The following FMNL3 variants were observed in gnomAD, a reference collection of about 807,000 sequenced individuals.
FMNL3 encodes formin like 3.
In FMNL3, 57 loss-of-function variants were observed where a neutral mutation model predicts 119.6. The ratio of observed to expected loss-of-function variants is 0.48; its 90% CI spans 0.39 to 0.59. The LOEUF is 0.59. Ranked by LOEUF, FMNL3 falls within the 20% of genes least tolerant of loss-of-function variation. The probability of loss-of-function intolerance (pLI) is 0.00; values close to 1 mark genes in which losing one functional copy is unlikely to be tolerated. For synonymous variants in FMNL3, 491 were observed against 507.3 expected (o/e 0.97, Z 0.43); for missense variants, 1,053 against 1,323.5 (o/e 0.80, Z 3.17).
chr12:49,687,746 AT>A (rs2138985116), intron 1 of FMNL3, among the ~76,000 whole-genome samples: 1 of 152,342 alleles, frequency 6.6e-6, no homozygotes, highest in East Asian at 1.9e-4. Flanking sequence ...ACGAGTGATC[AT>A]GCAAAGATTT....
intron 8 of FMNL3, 50 bp from the exon 9 acceptor site, chr12:49,656,547 C>A (rs761989497): frequency 6.0e-6 from 9 of 1,508,902 alleles, no homozygotes; most frequent in Admixed American, 5.3e-5. Flanking sequence ...ATCCTGACAA[C>A]CACACAGCTC....
intron 1 of FMNL3, among the ~76,000 whole-genome samples, chr12:49,699,990 C>CT (rs1422363620): frequency 6.6e-6 from 1 of 152,196 alleles, no homozygotes; most frequent in African/African-American, 2.4e-5. Flanking sequence ...ACCATATACC[C>CT]TTTGGCCCAA....
At position 49,645,704 on chromosome 12, in the gene FMNL3, C is replaced by A; in HGVS notation, c.*111G>T. ...ATCCAGCCTCAAGAGCTGGGGCGGA[C>A]ATGGTTGAGAGAGCAACACAGCCCT... On this transcript the variant is annotated 3_prime_UTR_variant, in exon 26 of 26. Coordinates refer to ENST00000335154, the MANE Select transcript of FMNL3 (RefSeq NM_175736.5). 1.1e-6 allele frequency: 1 copy of A among 882,678 alleles called. No homozygotes were observed. Among genetic ancestry groups the A allele is most frequent in the South Asian group, 1.7e-5 (1 of 58,600 alleles). 54.7% of individuals were successfully genotyped at this position (882,678 alleles called of 1,614,324 possible).
In FMNL3 at chr12:49,672,897, T is replaced by A. The variant is rs572509089; in HGVS notation, c.127-4343A>T. Among the ~76,000 whole-genome samples the A allele has an allele frequency of 6.6e-5, 10 of 152,314 alleles. No individual in the cohort carries two copies. The East Asian group carries it at 1.9e-3, about 29-fold the overall frequency. Reference sequence around the variant, plus strand: ...ATTCCCAACTGTTTTTGTTGGTCCCTATCATGATAAATCTTAGGAACAGAG... The same window carrying A: ...ATTCCCAACTGTTTTTGTTGGTCCCAATCATGATAAATCTTAGGAACAGAG... On this transcript the variant is annotated intron_variant, in intron 1 of 25. Coordinates refer to ENST00000335154, the MANE Select transcript of FMNL3 (RefSeq NM_175736.5).
In FMNL3 at chr12:49,707,099, T is replaced by A. The variant is rs1457226159; in HGVS notation, c.82A>T (p.Met28Leu). ...PLLLPPGKMP[M>L]PEPCELEERF... Reference sequence around the variant, plus strand: ...TCCTCCAGCTCACAGGGCTCAGGCATCGGCATCTTGCCGGGCGGCAGCAAC... The same window carrying A: ...TCCTCCAGCTCACAGGGCTCAGGCAACGGCATCTTGCCGGGCGGCAGCAAC... Residue 28 changes from methionine (M) to leucine (L), a missense_variant, in exon 1 of 26, where the codon ATG (methionine) becomes TTG (leucine). Physicochemically the swap from Met to Leu is conservative, Grantham distance 15 (BLOSUM62 2). Coordinates refer to ENST00000335154, the MANE Select transcript of FMNL3 (RefSeq NM_175736.5). The A allele has an allele frequency of 1.2e-6, 2 of 1,601,804 alleles. No individual in the cohort carries two copies. Among genetic ancestry groups the A allele is most frequent in the Admixed American group, 3.4e-5 (2 of 58,100 alleles).
Position 49,654,828 on chromosome 12 carries a change from C to T in FMNL3, c.960+82G>A, listed in dbSNP as rs188579980. 5.2e-4 allele frequency: 667 copies of T among 1,279,780 alleles called. 3 individuals carry two copies. Among genetic ancestry groups the T allele is most frequent in the African/African-American group, 4.1e-3 (275 of 67,868 alleles). 79.3% of individuals were successfully genotyped at this position (1,279,780 alleles called of 1,614,324 possible). ...GGGCTCTACGTGGAATATCAAGATA[C>T]GCTGTTGGCCTCACCCCTGTTGTCA... On this transcript the variant is annotated intron_variant, in intron 10 of 25. Coordinates refer to ENST00000335154, the MANE Select transcript of FMNL3 (RefSeq NM_175736.5).
chr12:49,651,076 G>A (rs1943383503), intron 16 of FMNL3, 92 bp downstream of exon 16: 6 of 1,567,608 alleles, frequency 3.8e-6, no homozygotes, highest in East Asian at 2.3e-5. Flanking sequence ...GCCTCACCCT[G>A]TCTGATGGCT....
chr12:49,655,747 A>C (rs960658479), intron 9 of FMNL3, among the ~76,000 whole-genome samples: 1 of 152,122 alleles, frequency 6.6e-6, no homozygotes, highest in South Asian at 2.1e-4. Context: ...CTGGGCTTCA[A>C]GGAGGAAGAG....
Position 49,707,229 on chromosome 12 carries a change from G to A in FMNL3, c.-49C>T. 7.0e-7 allele frequency: 1 copy of A among 1,436,344 alleles called. No homozygotes were observed. The highest frequency in any genetic ancestry group is 9.1e-7 in the Non-Finnish European group (1 of 1,098,030). The allele number at this position is 1,436,344 out of a possible 1,614,324, so 89.0% of individuals were successfully genotyped here. A position where few individuals can be genotyped will look rare whatever the true frequency, so the allele number is the denominator to read the frequency against. Reference sequence around the variant, plus strand: ...CTCGGCCCCCCACCTCCACGCTCCGGAGCTTTCGGCTCCGCGGCTCCGACC... The same window carrying A: ...CTCGGCCCCCCACCTCCACGCTCCGAAGCTTTCGGCTCCGCGGCTCCGACC... On this transcript the variant is annotated 5_prime_UTR_variant, in exon 1 of 26. Coordinates refer to ENST00000335154, the MANE Select transcript of FMNL3 (RefSeq NM_175736.5).
At position 49,643,027 on chromosome 12, in the gene FMNL3, G is replaced by A. The variant is rs150633132; in HGVS notation, c.*2788C>T. On this transcript the variant is annotated 3_prime_UTR_variant, in exon 26 of 26. Transcript: ENST00000335154. Reference sequence around the variant, plus strand: ...TCCCACTCACCCTCAGTGAGTAAGCGTGTAGAAGGGACATGGGGTGAAGCT... The same window carrying A: ...TCCCACTCACCCTCAGTGAGTAAGCATGTAGAAGGGACATGGGGTGAAGCT... 144 of 1,612,730 alleles carry A rather than the reference G, an allele frequency of 8.9e-5. No individual in the cohort carries two copies. The Middle Eastern group carries it at 1.3e-3, about 15-fold the overall frequency.
At chr12:49,671,310 C>T (rs1944040432) in intron 1 of FMNL3, among the ~76,000 whole-genome samples, 1 of 152,242 alleles carries the variant, frequency 6.6e-6, no homozygotes, top group African/African-American at 2.4e-5. Flanking sequence ...AAGGAATGAT[C>T]CCAAAGTATG....
Position 49,655,054 on chromosome 12 carries a change from C to G in FMNL3, c.886-70G>C, listed in dbSNP as rs866675574. 6.4e-6 allele frequency: 9 copies of G among 1,407,640 alleles called. No homozygotes were observed. In the Middle Eastern group the frequency reaches 1.4e-3, roughly 224 times the overall value. The allele number at this position is 1,407,640 out of a possible 1,614,324, so 87.2% of individuals were successfully genotyped here. ...AACCCAAGCCCCTGCGCTCTGGCTC[C>G]TAGGAACATCATGGCAAAGGACTGG... On this transcript the variant is annotated intron_variant, in intron 9 of 25. Coordinates refer to ENST00000335154, the MANE Select transcript of FMNL3 (RefSeq NM_175736.5).
chr12:49,651,939 A>G lies in FMNL3; in HGVS notation c.1597T>C (p.Leu533=). The G allele has an allele frequency of 6.3e-7, 1 of 1,587,112 alleles. No homozygotes were observed. Among genetic ancestry groups the G allele is most frequent in the South Asian group, 1.1e-5 (1 of 87,876 alleles). Residue 533 remains leucine (L), a synonymous_variant, in exon 14 of 26, where the codon TTA becomes CTA. Transcript: ENST00000335154. ...APPLPPPPPP[L]PDKCPPAPPL... is the part of the protein sequence containing the mutation. ...CAGGGGTCGTCGTGGTTACCTGGTA[A>G]TGGGGGAGGTGGAGGGGGCAAGGGC...
intron 1 of FMNL3, among the ~76,000 whole-genome samples, chr12:49,694,494 G>A (rs1032321474): frequency 1.3e-5 from 2 of 152,158 alleles, no homozygotes; most frequent in Non-Finnish European, 2.9e-5. Context: ...TAGAGAACAC[G>A]CACATTTTAA....
At chr12:49,660,064 G>T in intron 5 of FMNL3, 3 of 535,506 alleles carry the variant, frequency 5.6e-6, no homozygotes, top group Non-Finnish European at 7.2e-6. Flanking sequence ...CTCTCAAGTA[G>T]ACATCAGAGG....
intron 5 of FMNL3, 39 bp downstream of exon 5, chr12:49,661,927 C>G: frequency 6.3e-7 from 1 of 1,578,744 alleles, no homozygotes; most frequent in Non-Finnish European, 8.7e-7. Context: ...ATGTCCTCCC[C>G]CAACTGGTCC....
chr12:49,675,421 T>TTC (rs1405194681), intron 1 of FMNL3, among the ~76,000 whole-genome samples: 1 of 152,326 alleles, frequency 6.6e-6, no homozygotes, highest in African/African-American at 2.4e-5. Flanking sequence ...GAGCCTCGCA[T>TTC]TCTCCCTGCA....
chr12:49,691,381 C>G (rs1173365061), intron 1 of FMNL3, among the ~76,000 whole-genome samples: 2 of 152,068 alleles, frequency 1.3e-5, no homozygotes, highest in African/African-American at 4.8e-5. Flanking sequence ...CTTTGAGAAG[C>G]TGAGATGCAG....
chr12:49,637,793 A>T lies in FMNL3; in HGVS notation c.*8022T>A. 1 of 1,611,524 alleles carries T rather than the reference A, an allele frequency of 6.2e-7. No individual in the cohort carries two copies. Among genetic ancestry groups the T allele is most frequent in the Non-Finnish European group, 8.5e-7 (1 of 1,178,102 alleles). On this transcript the variant is annotated 3_prime_UTR_variant, in exon 26 of 26. Transcript: ENST00000335154. ...GAGGAGTTGAAGGCACGATTCCATG[A>T]TGAAAAGAAGATCATTAAGGACATC...
Sources: gnomAD v4.1 joint callset for allele counts (sites outside exome capture counted in the v4.1 genomes callset) on GRCh38, gnomAD v4.1.1 for gene constraint, MANE v1.5 for transcripts, NCBI Gene and HGNC (gene_info 2026-07-23, HGNC 2026-07-21) for gene names.